The following RGS7 variants were observed in gnomAD, a reference collection of about 807,000 sequenced individuals.
RGS7 encodes regulator of G protein signaling 7, also known as regulator of G-protein signaling 7.
Under a neutral mutation model 81.1 loss-of-function variants are expected in RGS7, and 27 were observed. That is an observed-to-expected ratio of 0.33 (90% confidence interval 0.25 to 0.46). The LOEUF is 0.46. Among genes scored for constraint, RGS7 ranks in the 20% least tolerant of loss-of-function variants. RGS7 has a pLI of 1.00. For missense variants in RGS7, 396 were observed against 607.4 expected (o/e 0.65, Z 3.66); for synonymous variants, 208 against 207.7 (o/e 1.00, Z -0.01).
intron 18 of RGS7, among the ~76,000 whole-genome samples, chr1:240,789,808 C>T (rs566177449): frequency 1.3e-5 from 2 of 152,140 alleles, no homozygotes; most frequent in Admixed American, 6.5e-5. Context: ...GTGATCTCGC[C>T]CTGCCTCCAT....
rs753469624 is a variant in RGS7, at chr1:241,125,562, G to A, written c.79-26800C>T. ...AGCTTTCAGCTTCTATCCTAAATAT[G>A]CTCTGCAAGGAATTTGCCCAACAAA... On this transcript the variant is annotated intron_variant, in intron 2 of 18. Coordinates refer to ENST00000440928, the MANE Select transcript of RGS7 (RefSeq NM_001364886.1). Among the ~76,000 whole-genome samples, 10 of 152,174 alleles carry A rather than the reference G, an allele frequency of 6.6e-5. No individual in the cohort carries two copies. In the South Asian group the frequency reaches 1.9e-3, roughly 28 times the overall value.
intron 6 of RGS7, among the ~76,000 whole-genome samples, chr1:240,928,959 A>G (rs1674948655): frequency 6.6e-6 from 1 of 152,234 alleles, no homozygotes; most frequent in Non-Finnish European, 1.5e-5. Flanking sequence ...CTGCCAGGCA[A>G]TAATGATGAC....
intron 18 of RGS7, among the ~76,000 whole-genome samples, chr1:240,790,387 A>T (rs1685785069): frequency 1.3e-5 from 2 of 152,248 alleles, no homozygotes; most frequent in African/African-American, 2.4e-5. Context: ...TCCTGGCCTT[A>T]AGTGATCCCC....
chr1:240,887,608 T>C (rs1032260496), intron 6 of RGS7, among the ~76,000 whole-genome samples: 2 of 152,338 alleles, frequency 1.3e-5, no homozygotes, highest in South Asian at 2.1e-4. Context: ...TGTCTCTTCC[T>C]TGTAGAACTG....
chr1:241,166,528 T>G (rs1391654113), intron 2 of RGS7, among the ~76,000 whole-genome samples: 2 of 152,176 alleles, frequency 1.3e-5, no homozygotes, highest in Admixed American at 6.5e-5. Context: ...AAGGCTGAGA[T>G]AGGCAGGGCC....
rs771008552 is a variant in RGS7, at chr1:240,930,750, A to C, written c.352T>G (p.Ser118Ala). 1 of 1,613,928 alleles carries C rather than the reference A, an allele frequency of 6.2e-7. No homozygotes were observed. Among genetic ancestry groups the C allele is most frequent in the Non-Finnish European group, 8.5e-7 (1 of 1,179,840 alleles). The change falls in exon 6 of 19, where the codon TCA becomes GCA. Residue 118 changes from serine (S) to alanine (A), a missense_variant. Physicochemically the swap from Ser to Ala is moderately conservative, Grantham distance 99. Transcript: ENST00000440928. ...GTGTTTTCCGGCTCCCAACAATTTGATGGCCAAAAATAGGGGGTCTGCGGA... is the reference window on the plus strand; with the variant it reads ...GTGTTTTCCGGCTCCCAACAATTTGCTGGCCAAAAATAGGGGGTCTGCGGA... ...YRFQTPYFWP[S>A]NCWEPENTDY...
intron 4 of RGS7, among the ~76,000 whole-genome samples, chr1:240,947,821 C>T (rs1379447903): frequency 6.6e-6 from 1 of 152,198 alleles, no homozygotes; most frequent in African/African-American, 2.4e-5. Flanking sequence ...ATAGGCTTTA[C>T]AAGATCTTAT....
At chr1:241,035,821 G>C (rs116049845) in intron 3 of RGS7, among the ~76,000 whole-genome samples, 2,258 of 152,196 alleles carry the variant, frequency 0.015, 48 homozygotes, top group African/African-American at 0.052. Context: ...ACATGAATAA[G>C]CAAATGTAAG....
chr1:241,296,582 T>G (rs2079439754), intron 2 of RGS7, among the ~76,000 whole-genome samples: 3 of 152,358 alleles, frequency 2.0e-5, no homozygotes, highest in Non-Finnish European at 4.4e-5. Context: ...CATTCCTCCT[T>G]TGTCCACATG....
intron 6 of RGS7, among the ~76,000 whole-genome samples, chr1:240,887,353 C>A (rs948750611): frequency 6.6e-6 from 1 of 151,574 alleles, no homozygotes; most frequent in Non-Finnish European, 1.5e-5. Context: ...CTCAGCCTCC[C>A]GAGTAGCTGG....
chr1:241,204,073 GC>G (rs2073711543), intron 2 of RGS7, among the ~76,000 whole-genome samples: 2 of 152,216 alleles, frequency 1.3e-5, no homozygotes, highest in South Asian at 4.1e-4. Context: ...TATAGGAGTT[GC>G]CCAGTTTGTT....
At chr1:240,918,958 C>CAAATTTGATAACAAATTTTTGGTTCAA (rs1673047333) in intron 6 of RGS7, among the ~76,000 whole-genome samples, 1 of 151,960 alleles carries the variant, frequency 6.6e-6, no homozygotes, top group Admixed American at 6.6e-5. Flanking sequence ...CTCAACCCCA[C>CAAATTTGATAACAAATTTTTGGTTCAA]AAATTTGATA....
At chr1:241,221,043 G>GGAAGGAAGGAAGGAAGGAAGGA (rs1390080527) in intron 2 of RGS7, among the ~76,000 whole-genome samples, 2 of 83,086 alleles carry the variant, frequency 2.4e-5, no homozygotes, top group African/African-American at 7.9e-5. Context: ...GGAAGGAAAA[G>GGAAGGAAGGAAGGAAGGAAGGA]AAAGAAAGAA....
rs961112131 is a variant in RGS7 at position 241,316,289 on chromosome 1, T to C, written c.78+39410A>G. Among the ~76,000 whole-genome samples, 5 of 152,194 alleles carry C rather than the reference T, an allele frequency of 3.3e-5. No individual in the cohort carries two copies. The East Asian group carries it at 7.7e-4, about 23-fold the overall frequency. Reference sequence around the variant, plus strand: ...TGGGGAGAGTGCTGTTACACAGTCATGATTGACTAAATCACCGGCCACTGA... The same window carrying C: ...TGGGGAGAGTGCTGTTACACAGTCACGATTGACTAAATCACCGGCCACTGA... On this transcript the variant is annotated intron_variant, in intron 2 of 18. Coordinates refer to ENST00000440928, the MANE Select transcript of RGS7 (RefSeq NM_001364886.1).
intron 6 of RGS7, among the ~76,000 whole-genome samples, chr1:240,917,359 T>C (rs1572750980): frequency 6.6e-6 from 1 of 152,318 alleles, no homozygotes; most frequent in East Asian, 1.9e-4. Flanking sequence ...AATCTCTTTA[T>C]AGAAAGTTTC....
intron 2 of RGS7, among the ~76,000 whole-genome samples, chr1:241,332,211 G>A (rs1466787623): frequency 6.6e-6 from 1 of 152,110 alleles, no homozygotes; most frequent in East Asian, 1.9e-4. Flanking sequence ...TCTAGAGGAG[G>A]CCCACAGGAA....
At chr1:241,179,474 T>G (rs1177037280) in intron 2 of RGS7, among the ~76,000 whole-genome samples, 1 of 152,204 alleles carries the variant, frequency 6.6e-6, no homozygotes, top group Non-Finnish European at 1.5e-5. Context: ...TTGGACATGC[T>G]GAAAACAGGC....
intron 4 of RGS7, among the ~76,000 whole-genome samples, chr1:240,977,908 A>C (rs1300730583): frequency 1.3e-5 from 2 of 152,208 alleles, no homozygotes; most frequent in Non-Finnish European, 2.9e-5. Flanking sequence ...CATGTCTTGG[A>C]GGCAGCTTGG....
intron 3 of RGS7, among the ~76,000 whole-genome samples, chr1:241,095,154 C>A (rs993191947): frequency 6.6e-6 from 1 of 152,172 alleles, no homozygotes; most frequent in Non-Finnish European, 1.5e-5. Context: ...GATCCCAGAG[C>A]TCTCAATAAA....
Sources: gnomAD v4.1 joint callset for allele counts (sites outside exome capture counted in the v4.1 genomes callset) on GRCh38, gnomAD v4.1.1 for gene constraint, MANE v1.5 for transcripts, NCBI Gene and HGNC (gene_info 2026-07-23, HGNC 2026-07-21) for gene names.